Variants in MMP16 observed in about 807,000 individuals in gnomAD.
The protein encoded by MMP16 is matrix metallopeptidase 16.
In MMP16, 12 loss-of-function variants were observed where a neutral mutation model predicts 67.8. The ratio of observed to expected loss-of-function variants is 0.18; its 90% confidence interval spans 0.11 to 0.29. The LOEUF (loss-of-function observed/expected upper bound fraction) is 0.29, where lower values mean the gene tolerates loss of function less well. Among genes scored for constraint, MMP16 ranks in the 10% least tolerant of loss-of-function variants. MMP16 has a pLI of 1.00. For missense variants in MMP16, 475 were observed against 765.7 expected (o/e 0.62, Z 4.48); for synonymous variants, 249 against 255.9 (o/e 0.97, Z 0.26).
At chr8:88,059,187 A>T (rs547907432) in intron 7 of MMP16, among the ~76,000 whole-genome samples, 56 of 152,102 alleles carry the variant, frequency 3.7e-4, no homozygotes, top group Non-Finnish European at 6.9e-4. Flanking sequence ...TAAATTTAGG[A>T]TGTGTTGAGA....
intron 6 of MMP16, among the ~76,000 whole-genome samples, chr8:88,082,476 A>C (rs1808768123): frequency 6.6e-6 from 1 of 152,146 alleles, no homozygotes; most frequent in Non-Finnish European, 1.5e-5. Flanking sequence ...ACATTACAAA[A>C]TCATATGATA....
At chr8:88,127,038 A>G (rs1250228311) in intron 4 of MMP16, among the ~76,000 whole-genome samples, 2 of 151,892 alleles carry the variant, frequency 1.3e-5, no homozygotes, top group Non-Finnish European at 2.9e-5. Flanking sequence ...ACTCCAGTAC[A>G]CTGGATCGCA....
intron 6 of MMP16, among the ~76,000 whole-genome samples, chr8:88,094,489 C>A (rs926583035): frequency 6.6e-6 from 1 of 151,516 alleles, no homozygotes; most frequent in Non-Finnish European, 1.5e-5. Context: ...TAATTATAAA[C>A]ATGAAGTACA....
chr8:88,256,591 T>C (rs375970308), intron 1 of MMP16, among the ~76,000 whole-genome samples: 3 of 152,004 alleles, frequency 2.0e-5, no homozygotes, highest in South Asian at 2.1e-4. Flanking sequence ...TACTGAAGGA[T>C]GCATATTTAT....
At chr8:88,208,942 C>T (rs1217670199) in intron 1 of MMP16, among the ~76,000 whole-genome samples, 1 of 151,656 alleles carries the variant, frequency 6.6e-6, no homozygotes, top group African/African-American at 2.4e-5. Context: ...CAGAAAATGA[C>T]TTAATAGCGA....
At chr8:88,106,504 T>A (rs1339190507) in intron 6 of MMP16, among the ~76,000 whole-genome samples, 1 of 151,200 alleles carries the variant, frequency 6.6e-6, no homozygotes, top group African/African-American at 2.4e-5. Flanking sequence ...TGAGAGTAAA[T>A]CTTCAAAAAA....
In MMP16 at chr8:88,116,601, G is replaced by A; in HGVS notation, c.989C>T (p.Thr330Ile). 1 of 1,613,866 alleles carries A rather than the reference G, an allele frequency of 6.2e-7. No homozygotes were observed. The highest frequency in any genetic ancestry group is 1.1e-5 in the South Asian group (1 of 91,080). The change falls in exon 6 of 10, where the codon ACC (threonine) becomes ATC (isoleucine). Residue 330 changes from threonine to isoleucine, a missense_variant. This residue lies in a region of MMP16 where 195 missense variants were observed against 300.9 expected (regional missense o/e 0.65). Coordinates refer to ENST00000286614, the MANE Select transcript of MMP16 (RefSeq NM_005941.5). ...GGCTCCGGGATAGGAGGGTCTGCCG[G>A]TTGGAGGCCGAGGAGGTTTTGGCCT... ...NDRPKPPRPP[T>I]GRPSYPGAKP...
In MMP16 at chr8:88,276,937, C is replaced by G. The variant is rs184062408; in HGVS notation, c.132+50138G>C. Among the ~76,000 whole-genome samples, 359 of 152,160 alleles carry G rather than the reference C, an allele frequency of 2.4e-3. 2 individuals are homozygous for G. The Middle Eastern group carries it at 0.027, about 12-fold the overall frequency. On this transcript the variant is annotated intron_variant, in intron 1 of 9. Coordinates refer to ENST00000286614, the MANE Select transcript of MMP16 (RefSeq NM_005941.5). ...ATCACAAATATTCAATAATAATACA[C>G]TAAACTACAATTAAATTATCTTTAT... is the stretch of plus-strand genomic sequence containing the variant.
At chr8:88,158,278 A>G (rs1563549125) in intron 4 of MMP16, among the ~76,000 whole-genome samples, 1 of 152,220 alleles carries the variant, frequency 6.6e-6, no homozygotes, top group Middle Eastern at 3.4e-3. Flanking sequence ...ACTAGTTTAC[A>G]CTCCCACCAA....
At chr8:88,284,788 A>G (rs1041515003) in intron 1 of MMP16, among the ~76,000 whole-genome samples, 6 of 150,978 alleles carry the variant, frequency 4.0e-5, no homozygotes, top group African/African-American at 1.5e-4. Flanking sequence ...TCCTTCCTCA[A>G]ATGCTTCAAA....
intron 1 of MMP16, among the ~76,000 whole-genome samples, chr8:88,295,564 A>C (rs1485947611): frequency 1.3e-5 from 2 of 152,218 alleles, no homozygotes; most frequent in Non-Finnish European, 2.9e-5. Flanking sequence ...TACTCAAAAA[A>C]GCAATTTAAG....
intron 2 of MMP16, among the ~76,000 whole-genome samples, chr8:88,189,868 T>C (rs1809138784): frequency 6.6e-6 from 1 of 152,196 alleles, no homozygotes; most frequent in African/African-American, 2.4e-5. Flanking sequence ...TCTGTCTCTA[T>C]CTACCACTGA....
chr8:88,077,594 G>T (rs1476765030), intron 6 of MMP16, among the ~76,000 whole-genome samples: 1 of 152,082 alleles, frequency 6.6e-6, no homozygotes, highest in East Asian at 1.9e-4. Flanking sequence ...TCGGTCTTTT[G>T]TTTAGATACA....
chr8:88,097,555 C>T (rs557293773), intron 6 of MMP16, among the ~76,000 whole-genome samples: 11 of 138,796 alleles, frequency 7.9e-5, no homozygotes, highest in South Asian at 2.3e-4. Flanking sequence ...GAGCCTGGGA[C>T]GTGGAGATTG....
rs79342063 is a variant in MMP16, at chr8:88,273,601, T to C, written c.132+53474A>G. ...TATCAACATGATTTCCTAATTAGAA[T>C]GTTTGAAATCAACTGTCCATTTGTT... On this transcript the variant is annotated intron_variant, in intron 1 of 9. Transcript: ENST00000286614. Among the ~76,000 whole-genome samples the C allele has an allele frequency of 3.1e-3, 477 of 152,320 alleles. 4 individuals are homozygous for C. Among genetic ancestry groups the C allele is most frequent in the African/African-American group, 0.011 (453 of 41,566 alleles).
chr8:88,166,756 G>T (rs1808721052), intron 4 of MMP16, among the ~76,000 whole-genome samples: 1 of 138,902 alleles, frequency 7.2e-6, no homozygotes. Flanking sequence ...TTTTTAAACA[G>T]AGGGAGTTTG....
chr8:88,158,726 A>G (rs1359729196), intron 4 of MMP16, among the ~76,000 whole-genome samples: 1 of 152,144 alleles, frequency 6.6e-6, no homozygotes, highest in Non-Finnish European at 1.5e-5. Context: ...TGTTTTAGTC[A>G]TGAAGTCCTT....
intron 4 of MMP16, among the ~76,000 whole-genome samples, chr8:88,151,351 T>C (rs1422739938): frequency 1.3e-5 from 2 of 149,882 alleles, no homozygotes; most frequent in Non-Finnish European, 3.0e-5. Context: ...CTCAGCTCTG[T>C]ACCAAGCGGA....
At chr8:88,110,604 C>T (rs768684330) in intron 6 of MMP16, among the ~76,000 whole-genome samples, 3 of 151,542 alleles carry the variant, frequency 2.0e-5, no homozygotes, top group Admixed American at 6.6e-5. Context: ...TTCGATTACA[C>T]TGTGCTGTGT....
Sources: gnomAD v4.1 joint callset for allele counts (sites outside exome capture counted in the v4.1 genomes callset) on GRCh38, gnomAD v4.1.1 for gene constraint, gnomAD v4.1.1 regional missense constraint, MANE v1.5 for transcripts, NCBI Gene and HGNC (gene_info 2026-07-23, HGNC 2026-07-21) for gene names.